CCZ1: variants seen among roughly 807,000 people sequenced by gnomAD.
CCZ1 encodes the protein CCZ1 vacuolar protein trafficking and biogenesis associated.
Under a neutral mutation model 57.8 loss-of-function variants are expected in CCZ1, and 19 were observed. The observed-to-expected ratio is 0.33, with a 90% CI of 0.23 to 0.48. The LOEUF (loss-of-function observed/expected upper bound fraction) is 0.48. Among genes scored for constraint, CCZ1 ranks in the 20% least tolerant of loss-of-function variants. The pLI is 0.99. For missense variants in CCZ1, 200 were observed against 492.0 expected (o/e 0.41, Z 5.61); for synonymous variants, 81 against 167.0 (o/e 0.49, Z 3.97).
At chr7:5,912,620 G>C (rs1779062580) in intron 9 of CCZ1, among the ~76,000 whole-genome samples, 1 of 149,922 alleles carries the variant, frequency 6.7e-6, no homozygotes, top group Non-Finnish European at 1.5e-5. Context: ...GGCTGCCCTT[G>C]AACTCCTGAC....
chr7:5,909,109 T>A (rs1312155218), intron 7 of CCZ1, among the ~76,000 whole-genome samples: 25 of 145,150 alleles, frequency 1.7e-4, no homozygotes, highest in Non-Finnish European at 2.7e-4. Context: ...CTTGTGACTT[T>A]TTTTTTTTTT....
At chr7:5,922,024 T>G (rs1441666066) in intron 12 of CCZ1, among the ~76,000 whole-genome samples, 1 of 150,182 alleles carries the variant, frequency 6.7e-6, no homozygotes, top group African/African-American at 2.4e-5. Context: ...TGGCTAATTT[T>G]TGTATTTTTG....
intron 7 of CCZ1, among the ~76,000 whole-genome samples, chr7:5,909,179 A>G (rs1453557025): frequency 1.3e-5 from 2 of 148,192 alleles, no homozygotes; most frequent in African/African-American, 5.0e-5. Flanking sequence ...AGGTCAGGAT[A>G]AAGTTCCAGT....
intron 12 of CCZ1, among the ~76,000 whole-genome samples, chr7:5,922,927 C>G (rs1190568817): frequency 1.3e-5 from 2 of 150,450 alleles, no homozygotes; most frequent in South Asian, 2.1e-4. Flanking sequence ...TATGTAGATA[C>G]GTGTTAAAAC....
At chr7:5,904,930 C>T (rs1781768077) in intron 6 of CCZ1, among the ~76,000 whole-genome samples, 164 bp from the exon 7 acceptor site, 1 of 148,346 alleles carries the variant, frequency 6.7e-6, no homozygotes, top group African/African-American at 2.5e-5. Flanking sequence ...ACTGAGTTGG[C>T]ACTCAGTTAC....
intron 1 of CCZ1, among the ~76,000 whole-genome samples, chr7:5,899,451 T>A (rs1375196196): frequency 2.1e-5 from 3 of 140,126 alleles, no homozygotes. Context: ...TTCCAGCAAG[T>A]CAGACTTCTG....
In CCZ1 at chr7:5,910,539, G is replaced by A. The variant is rs1172764053; in HGVS notation, c.780+423G>A. 3.4e-5 allele frequency among the ~76,000 whole-genome samples: 5 copies of A among 145,992 alleles called. 1 individual carries two copies. The highest frequency in any genetic ancestry group is 4.6e-4 in the East Asian group (2 of 4,384). On this transcript the variant is annotated intron_variant, in intron 8 of 14. Coordinates refer to ENST00000325974, the MANE Select transcript of CCZ1 (RefSeq NM_015622.6). ...AGACAGGTTTCACTATGTTGGCCAGGCTGGTCTCGAACTCCTGACCTTGTG... is the reference window on the plus strand; with the variant it reads ...AGACAGGTTTCACTATGTTGGCCAGACTGGTCTCGAACTCCTGACCTTGTG...
intron 9 of CCZ1, among the ~76,000 whole-genome samples, chr7:5,912,221 G>T (rs1456741791): frequency 7.3e-6 from 1 of 136,984 alleles, no homozygotes; most frequent in Non-Finnish European, 1.5e-5. Flanking sequence ...GCCTCCCAAA[G>T]TGCTGGGATT....
chr7:5,906,199 G>A (rs1366863395), intron 7 of CCZ1, among the ~76,000 whole-genome samples: 3 of 148,336 alleles, frequency 2.0e-5, no homozygotes, highest in Non-Finnish European at 3.0e-5. Flanking sequence ...CCTGAGAGCT[G>A]GGTGGCAACC....
chr7:5,901,621 T>C (rs769578334), intron 4 of CCZ1, 36 bp from the exon 5 acceptor site: 1 of 1,580,246 alleles, frequency 6.3e-7, no homozygotes, highest in Non-Finnish European at 8.6e-7. Context: ...GTTTTTCCCT[T>C]GAACTGAGCT....
chr7:5,904,241 C>G lies in CCZ1; in HGVS notation c.523-853C>G, dbSNP rs1362147055. Among the ~76,000 whole-genome samples the G allele has an allele frequency of 2.2e-5, 3 of 139,428 alleles. 1 individual carries two copies. In the East Asian group the frequency reaches 7.8e-4, roughly 36 times the overall value. The allele number at this position is 139,428 out of a possible 152,430, so 91.5% of individuals were successfully genotyped here. ...CTGAATAGTTGGGATTACAGGCTAC[C>G]ACGCCCGGCTAATGTTGTAATTTTA... On this transcript the variant is annotated intron_variant, in intron 6 of 14. Coordinates refer to ENST00000325974, the MANE Select transcript of CCZ1 (RefSeq NM_015622.6).
In CCZ1 at chr7:5,901,414, C is replaced by T. The variant is rs564536287; in HGVS notation, c.391-243C>T. On this transcript the variant is annotated intron_variant, in intron 4 of 14. Transcript: ENST00000325974. ...GCAGGAGAATCGCTTGAACCGGGGA[C>T]GCAAATGTTGCAGTGAGCCAAGATT... is the stretch of plus-strand genomic sequence containing the variant. The T allele has an allele frequency of 1.5e-3, 691 of 462,652 alleles. 28 individuals carry two copies. The South Asian group carries it at 0.031, about 20-fold the overall frequency. 28.7% of individuals were successfully genotyped at this position (462,652 alleles called of 1,614,324 possible).
chr7:5,919,489 C>CG (rs1412027810), intron 11 of CCZ1: 22 of 242,096 alleles, frequency 9.1e-5, no homozygotes, highest in Admixed American at 1.2e-4. Flanking sequence ...GTACCTCTCT[C>CG]GGGGGGGTTC....
intron 7 of CCZ1, among the ~76,000 whole-genome samples, chr7:5,907,558 G>A (rs1401408453): frequency 6.1e-5 from 9 of 146,484 alleles, no homozygotes; most frequent in Non-Finnish European, 1.0e-4. Context: ...TAGAGCAGAG[G>A]GTCTTCCAGG....
At chr7:5,907,558 G>C (rs1401408453) in intron 7 of CCZ1, among the ~76,000 whole-genome samples, 1 of 146,484 alleles carries the variant, frequency 6.8e-6, no homozygotes, top group Non-Finnish European at 1.5e-5. Context: ...TAGAGCAGAG[G>C]GTCTTCCAGG....
Position 5,910,095 on chromosome 7 carries a change from T to C in CCZ1, c.759T>C (p.Phe253=), listed in dbSNP as rs1138495. The C allele has an allele frequency of 0.27, 344,653 of 1,274,230 alleles. 66,991 individuals are homozygous for C. Among genetic ancestry groups the C allele is most frequent in the Admixed American group, 0.53 (26,230 of 49,372 alleles). 78.9% of individuals were successfully genotyped at this position (1,274,230 alleles called of 1,614,324 possible). Residue 253 remains phenylalanine, a synonymous_variant, in exon 8 of 15, where the codon TTT becomes TTC. Coordinates refer to ENST00000325974, the MANE Select transcript of CCZ1 (RefSeq NM_015622.6). ...ACAAATACCTTACCACCTCCCTTTTTCCAAGGCACATCGAACCTGAGGTAT... is the reference window on the plus strand; with the variant it reads ...ACAAATACCTTACCACCTCCCTTTTCCCAAGGCACATCGAACCTGAGGTAT... ...ILYKYLTTSL[F]PRHIEPELAG...
At chr7:5,911,573 G>A (rs1779034392) in intron 8 of CCZ1, among the ~76,000 whole-genome samples, 1 of 149,052 alleles carries the variant, frequency 6.7e-6, no homozygotes, top group South Asian at 2.2e-4. Context: ...GGGATTATAG[G>A]CATGAGCCAC....
At chr7:5,912,332 G>C (rs1779056725) in intron 9 of CCZ1, among the ~76,000 whole-genome samples, 1 of 132,774 alleles carries the variant, frequency 7.5e-6, no homozygotes, top group African/African-American at 2.9e-5. Flanking sequence ...ATCAACAAAG[G>C]AAAGTTTGTT....
At chr7:5,924,316 C>T (rs1172051263) in intron 14 of CCZ1, among the ~76,000 whole-genome samples, 2 of 84,822 alleles carry the variant, frequency 2.4e-5, no homozygotes, top group East Asian at 4.8e-4. Context: ...CCCCCAACTC[C>T]TAGGATCAAG....
Sources: gnomAD v4.1 joint callset for allele counts (sites outside exome capture counted in the v4.1 genomes callset) on GRCh38, gnomAD v4.1.1 for gene constraint, MANE v1.5 for transcripts, NCBI Gene and HGNC (gene_info 2026-07-23, HGNC 2026-07-21) for gene names.